IL1RAPL1: variants seen among roughly 807,000 people sequenced by gnomAD.
IL1RAPL1 encodes interleukin 1 receptor accessory protein like 1.
Under a neutral mutation model 48.4 loss-of-function variants are expected in IL1RAPL1, and 3 were observed. The ratio of observed to expected loss-of-function variants is 0.06; its 90% confidence interval spans 0.03 to 0.16. IL1RAPL1 has a LOEUF of 0.16. Ranked by LOEUF, IL1RAPL1 falls within the 10% of genes least tolerant of loss-of-function variation. IL1RAPL1 has a pLI of 1.00. For missense variants in IL1RAPL1, 349 were observed against 530.6 expected, an observed-to-expected ratio of 0.66 and a Z score of 3.36; for synonymous variants, 185 against 187.7, an observed-to-expected ratio of 0.99 and a Z score of 0.12.
intron 5 of IL1RAPL1, among the ~76,000 whole-genome samples, chrX:29,477,770 C>T (rs949620112): frequency 8.9e-6 from 1 of 112,045 alleles, no homozygotes; most frequent in African/African-American, 3.2e-5. Flanking sequence ...TGAACCCAGG[C>T]AGTCTGGCTA....
chrX:29,169,794 TAAGC>T (rs1377654806), intron 2 of IL1RAPL1, among the ~76,000 whole-genome samples: 5 of 111,161 alleles, frequency 4.5e-5, no homozygotes, highest in African/African-American at 1.6e-4. Flanking sequence ...ATATTTAAAT[TAAGC>T]AATAAAGGAT....
intron 5 of IL1RAPL1, among the ~76,000 whole-genome samples, chrX:29,636,694 A>T (rs1401874505): frequency 9.0e-6 from 1 of 111,632 alleles, no homozygotes; most frequent in Non-Finnish European, 1.9e-5. Flanking sequence ...GTCCATGTGT[A>T]CTATGTGTAT....
Position 29,056,726 on chromosome X carries a change from A to G in IL1RAPL1, c.83-226212A>G, listed in dbSNP as rs964687865. Reference sequence around the variant, plus strand: ...CCATGCTGGTTTGCTCTACCTATCGACCTATCCCCTAGGTCTTAAACCCAT... The same window carrying G: ...CCATGCTGGTTTGCTCTACCTATCGGCCTATCCCCTAGGTCTTAAACCCAT... On this transcript the variant is annotated intron_variant, in intron 2 of 10. Transcript: ENST00000378993. Among the ~76,000 whole-genome samples the G allele has an allele frequency of 9.9e-5, 11 of 111,393 alleles. No individual in the cohort carries two copies. The Admixed American group carries it at 1.1e-3, about 11-fold the overall frequency.
intron 8 of IL1RAPL1, among the ~76,000 whole-genome samples, chrX:29,922,537 T>C (rs745702276): frequency 2.2e-4 from 25 of 111,793 alleles, no homozygotes; most frequent in Non-Finnish European, 4.3e-4. Context: ...AAGACACCAA[T>C]GGATGCAATT....
intron 2 of IL1RAPL1, among the ~76,000 whole-genome samples, chrX:29,281,179 A>G (rs1302658716): frequency 1.8e-5 from 2 of 111,045 alleles, no homozygotes; most frequent in Admixed American, 9.6e-5. Context: ...ATTAATTTGT[A>G]GTGACTTTAA....
At chrX:28,973,537 TTAGG>T (rs1392749655) in intron 2 of IL1RAPL1, among the ~76,000 whole-genome samples, 1 of 112,069 alleles carries the variant, frequency 8.9e-6, no homozygotes, top group African/African-American at 3.2e-5. Context: ...AATTTTGGCC[TTAGG>T]TAGGATAGAT....
At chrX:29,418,007 G>A (rs1196630477) in intron 5 of IL1RAPL1, among the ~76,000 whole-genome samples, 1 of 103,173 alleles carries the variant, frequency 9.7e-6, no homozygotes, top group Non-Finnish European at 2.0e-5. Context: ...AGCACACACT[G>A]AGCTTTTATT....
intron 5 of IL1RAPL1, among the ~76,000 whole-genome samples, chrX:29,631,896 G>A (rs764347056): frequency 1.8e-5 from 2 of 111,655 alleles, no homozygotes; most frequent in Non-Finnish European, 3.8e-5. Flanking sequence ...AAAACTAATG[G>A]ATACAAAAAG....
chrX:29,306,530 G>GAAAAAAAAAAAAAA (rs1166748708), intron 3 of IL1RAPL1, among the ~76,000 whole-genome samples: 2 of 33,446 alleles, frequency 6.0e-5, no homozygotes, highest in Non-Finnish European at 9.3e-5. Context: ...TCTGTCAAAA[G>GAAAAAAAAAAAAAA]AAAAAAAAAA....
intron 1 of IL1RAPL1, among the ~76,000 whole-genome samples, chrX:28,598,299 CTAGTT>C (rs1167141019): frequency 8.9e-6 from 1 of 111,758 alleles, no homozygotes; most frequent in African/African-American, 3.3e-5. Context: ...AATCCCCATG[CTAGTT>C]TAGTTTAAAT....
chrX:28,758,097 G>A (rs180962344), intron 1 of IL1RAPL1, among the ~76,000 whole-genome samples: 65 of 112,182 alleles, frequency 5.8e-4, no homozygotes, highest in African/African-American at 2.0e-3. Context: ...GAGATAAATA[G>A]ATTAAAGTTG....
chrX:29,522,290 G>A (rs768874788), intron 5 of IL1RAPL1, among the ~76,000 whole-genome samples: 1 of 110,988 alleles, frequency 9.0e-6, no homozygotes, highest in Non-Finnish European at 1.9e-5. Flanking sequence ...GTCCCGAGTG[G>A]CTGGGACTAC....
At chrX:29,790,373 T>C (rs1341495291) in intron 6 of IL1RAPL1, among the ~76,000 whole-genome samples, 1 of 111,843 alleles carries the variant, frequency 8.9e-6, no homozygotes, top group East Asian at 2.8e-4. Flanking sequence ...CTATAAAATA[T>C]GTGCTTAATG....
chrX:29,095,638 A>T (rs1928197065), intron 2 of IL1RAPL1, among the ~76,000 whole-genome samples: 1 of 111,569 alleles, frequency 9.0e-6, no homozygotes, highest in Non-Finnish European at 1.9e-5. Flanking sequence ...GGTGACCTTA[A>T]TCTTTTGGGT....
At chrX:29,894,572 G>T (rs1486434172) in intron 6 of IL1RAPL1, among the ~76,000 whole-genome samples, 2 of 111,507 alleles carry the variant, frequency 1.8e-5, no homozygotes, top group Non-Finnish European at 3.8e-5. Context: ...ACTCTAGAAG[G>T]TTTTTATTTC....
chrX:29,372,290 G>A (rs1453578356), intron 3 of IL1RAPL1, among the ~76,000 whole-genome samples: 3 of 111,656 alleles, frequency 2.7e-5, no homozygotes, highest in African/African-American at 9.8e-5. Context: ...TTTGCCTGTT[G>A]ATTTAAGTTT....
In IL1RAPL1 at chrX:29,057,060, G is replaced by A. The variant is rs375829945; in HGVS notation, c.83-225878G>A. Among the ~76,000 whole-genome samples the A allele has an allele frequency of 3.6e-5, 4 of 111,522 alleles. No individual in the cohort carries two copies. The South Asian group carries it at 1.1e-3, about 31-fold the overall frequency. On this transcript the variant is annotated intron_variant, in intron 2 of 10. Coordinates refer to ENST00000378993, the MANE Select transcript of IL1RAPL1 (RefSeq NM_014271.4). ...GTGGGGTAATTTCTATCCTCGCAGCGGTGTGCACTTTAGGACAATTAAAGT... is the reference window on the plus strand; with the variant it reads ...GTGGGGTAATTTCTATCCTCGCAGCAGTGTGCACTTTAGGACAATTAAAGT...
Position 29,562,169 on chromosome X carries a change from T to G in IL1RAPL1, c.704-106261T>G, listed in dbSNP as rs192141045. Reference sequence around the variant, plus strand: ...ATCTATCTATCTATCTATCTATCTATCTATCTATCTAGTAGAGACAGGGTC... The same window carrying G: ...ATCTATCTATCTATCTATCTATCTAGCTATCTATCTAGTAGAGACAGGGTC... On this transcript the variant is annotated intron_variant, in intron 5 of 10. Transcript: ENST00000378993. 8.9e-3 allele frequency among the ~76,000 whole-genome samples: 892 copies of G among 100,697 alleles called. 11 individuals carry two copies. The highest frequency in any genetic ancestry group is 0.033 in the African/African-American group (846 of 25,670). The allele number at this position is 100,697 out of a possible 115,157, so 87.4% of individuals were successfully genotyped here.
intron 2 of IL1RAPL1, among the ~76,000 whole-genome samples, chrX:28,970,014 TATAAAG>T (rs1569210492): frequency 4.5e-5 from 5 of 111,142 alleles, no homozygotes; most frequent in Non-Finnish European, 9.4e-5. Flanking sequence ...AACATATATA[TATAAAG>T]ATAAAGTTTT....
Sources: allele counts gnomAD v4.1 joint callset (sites outside exome capture counted in the v4.1 genomes callset), GRCh38; gene constraint gnomAD v4.1.1; transcripts MANE v1.5; gene names NCBI Gene and HGNC (gene_info 2026-07-23, HGNC 2026-07-21).